Variants in TMEM100 observed in about 807,000 individuals in gnomAD.
The protein encoded by TMEM100 is transmembrane protein 100.
For missense variants in TMEM100, 137 were observed against 168.2 expected (o/e 0.81, Z 1.02); for synonymous variants, 61 against 67.1 (o/e 0.91, Z 0.44).
intron 1 of TMEM100, among the ~76,000 whole-genome samples, chr17:55,728,832 A>C (rs562346348): frequency 2.4e-4 from 36 of 152,116 alleles, no homozygotes; most frequent in Non-Finnish European, 4.6e-4. Context: ...TGGAGGTTGG[A>C]ATCTTCATGG....
upstream of TMEM100, among the ~76,000 whole-genome samples, chr17:55,723,675 C>A (rs540882737): frequency 6.6e-6 from 1 of 152,008 alleles, no homozygotes; most frequent in Non-Finnish European, 1.5e-5. Flanking sequence ...TGGTTTGAAC[C>A]CTAATCTTTA....
Position 55,720,437 on chromosome 17 carries a change from T to G in TMEM100, c.*229A>C. On this transcript the variant is annotated 3_prime_UTR_variant, in exon 2 of 2. Transcript: ENST00000424486. ...TGACCCCCAAAGTGTTTCATGTAAA[T>G]AGAAAGCTGATTTTTCAGTCTCAGA... 1 of 567,480 alleles carries G rather than the reference T, an allele frequency of 1.8e-6. No individual in the cohort carries two copies. The allele number at this position is 567,480 out of a possible 1,614,324, so 35.2% of individuals were successfully genotyped here. A position where few individuals can be genotyped will look rare whatever the true frequency, so the allele number is the denominator to read the frequency against.
Position 55,722,620 on chromosome 17 carries a change from T to G in TMEM100, c.-67A>C, listed in dbSNP as rs1908932626. ...TGTCCCCAAATTACTTACACTCACC[T>G]CGGAGAGAGGCAATCCATTACCAGA... On this transcript the variant is annotated splice_region_variant and 5_prime_UTR_variant, in exon 1 of 2. Coordinates refer to ENST00000424486, the MANE Select transcript of TMEM100 (RefSeq NM_018286.3). 1 of 152,300 alleles carries G rather than the reference T, an allele frequency of 6.6e-6. No homozygotes were observed. Among genetic ancestry groups the G allele is most frequent in the South Asian group, 2.1e-4 (1 of 4,830 alleles). The allele number at this position is 152,300 out of a possible 1,614,324, so 9.4% of individuals were successfully genotyped here.
intron 1 of TMEM100, among the ~76,000 whole-genome samples, chr17:55,729,480 C>T (rs765063274): frequency 7.9e-5 from 12 of 152,014 alleles, no homozygotes; most frequent in East Asian, 1.9e-4. Context: ...TTCACTTCTC[C>T]GGTGGAGAGG....
intron 1 of TMEM100, among the ~76,000 whole-genome samples, chr17:55,722,371 G>A (rs1025567339): frequency 4.6e-5 from 7 of 152,278 alleles, no homozygotes; most frequent in African/African-American, 1.7e-4. Context: ...AACCTCACTG[G>A]TTCTTCCCTG....
chr17:55,725,828 A>G (rs1909056242), upstream of TMEM100, among the ~76,000 whole-genome samples: 1 of 151,626 alleles, frequency 6.6e-6, no homozygotes, highest in South Asian at 2.1e-4. Context: ...TTATATCTTT[A>G]TTCAGGCACT....
Position 55,720,748 on chromosome 17 carries a change from T to A in TMEM100, c.323A>T (p.Lys108Ile). 6.2e-7 allele frequency: 1 copy of A among 1,614,218 alleles called. No homozygotes were observed. The highest frequency in any genetic ancestry group is 8.5e-7 in the Non-Finnish European group (1 of 1,180,042). ...GGCTTTCTTGCTCCTTTGTCTCACT[T>A]TCCAGCACAAGGCACTGGAGGCTAG... The part of the protein sequence containing the change: ...FLLASSALCW[K>I]VRQRSKKAKR... The change falls in exon 2 of 2, where the codon AAA becomes ATA. Residue 108 changes from lysine (K) to isoleucine (I), a missense_variant. Physicochemically the swap from Lys to Ile is moderately radical, Grantham distance 102. Coordinates refer to ENST00000424486, the MANE Select transcript of TMEM100 (RefSeq NM_018286.3).
At position 55,720,532 on chromosome 17, in the gene TMEM100, CACCCT is replaced by C; in HGVS notation, c.*129_*133del. 1 of 941,830 alleles carries C rather than the reference CACCCT, an allele frequency of 1.1e-6. No individual in the cohort carries two copies. The highest frequency in any genetic ancestry group is 1.5e-6 in the Non-Finnish European group (1 of 647,924). The allele number at this position is 941,830 out of a possible 1,614,324, so 58.3% of individuals were successfully genotyped here. A position where few individuals can be genotyped will look rare whatever the true frequency, so the allele number is the denominator to read the frequency against. Reference sequence around the variant, plus strand: ...ATTCCTCACAAAGGAGAAGCCCCTCCACCCTCCCACCCCCATTCTTCCAGTCTGCT... The same window carrying C: ...ATTCCTCACAAAGGAGAAGCCCCTCCCCCACCCCCATTCTTCCAGTCTGCT... On this transcript the variant is annotated 3_prime_UTR_variant, in exon 2 of 2. Coordinates refer to ENST00000424486, the MANE Select transcript of TMEM100 (RefSeq NM_018286.3).
intron 1 of TMEM100, among the ~76,000 whole-genome samples, chr17:55,722,211 T>C (rs9904052): frequency 0.039 from 5,976 of 152,288 alleles, 381 homozygotes; most frequent in African/African-American, 0.13. Flanking sequence ...AGTCACTGTC[T>C]TCCATTCTCA....
At chr17:55,730,655 A>T (rs1456541507) in intron 1 of TMEM100, among the ~76,000 whole-genome samples, 2 of 152,200 alleles carry the variant, frequency 1.3e-5, no homozygotes, top group African/African-American at 4.8e-5. Context: ...TTGAGGATAG[A>T]ACTAGCTCAA....
chr17:55,722,138 A>C (rs1023035740), intron 1 of TMEM100, among the ~76,000 whole-genome samples: 3 of 152,218 alleles, frequency 2.0e-5, no homozygotes, highest in African/African-American at 7.2e-5. Flanking sequence ...GATCAAAAGT[A>C]TCTGGTTGAA....
At chr17:55,728,688 A>G (rs1414685485) in intron 1 of TMEM100, among the ~76,000 whole-genome samples, 4 of 152,230 alleles carry the variant, frequency 2.6e-5, no homozygotes, top group Non-Finnish European at 5.9e-5. Flanking sequence ...TTTACCATCC[A>G]GAACAGGAAA....
At chr17:55,725,701 ATGTGTGTGTGTGTGTGTG>A (rs57564459), upstream of TMEM100, among the ~76,000 whole-genome samples, 6,018 of 139,656 alleles carry the variant, frequency 0.043, 406 homozygotes, top group African/African-American at 0.14. Flanking sequence ...ACCCATATAT[ATGTGTGTGTGTGTGTGTG>A]TGTGTGTGTG....
chr17:55,729,484 G>T (rs1345893265), intron 1 of TMEM100, among the ~76,000 whole-genome samples: 1 of 152,198 alleles, frequency 6.6e-6, no homozygotes, highest in Non-Finnish European at 1.5e-5. Context: ...CTTCTCCGGT[G>T]GAGAGGCAAA....
rs1567921656 is a variant in TMEM100, at chr17:55,721,118, G to A, written c.-48C>T. 1 of 1,545,958 alleles carries A rather than the reference G, an allele frequency of 6.5e-7. No individual in the cohort carries two copies. Among genetic ancestry groups the A allele is most frequent in the Non-Finnish European group, 8.7e-7 (1 of 1,147,352 alleles). ...TGGGTTTACAGACTAGATCTGGACA[G>A]TCTCACCAGGGTGAAAGCTGTGAAG... On this transcript the variant is annotated 5_prime_UTR_variant, in exon 2 of 2. Coordinates refer to ENST00000424486, the MANE Select transcript of TMEM100 (RefSeq NM_018286.3).
intron 1 of TMEM100, among the ~76,000 whole-genome samples, chr17:55,722,403 C>T (rs1209675933): frequency 1.3e-5 from 2 of 152,214 alleles, no homozygotes; most frequent in Non-Finnish European, 2.9e-5. Context: ...CAAAATATCA[C>T]TCCCTGAGCA....
intron 1 of TMEM100, among the ~76,000 whole-genome samples, chr17:55,729,143 A>T (rs1909141521): frequency 6.6e-6 from 1 of 152,230 alleles, no homozygotes; most frequent in African/African-American, 2.4e-5. Flanking sequence ...GCCTGACTTT[A>T]TAGAGTGTTG....
intron 1 of TMEM100, chr17:55,721,546 C>T (rs114730620): frequency 3.4e-3 from 521 of 155,048 alleles, no homozygotes; most frequent in African/African-American, 5.5e-3. Context: ...ACTCAGACTC[C>T]GCCAATCTTG....
At chr17:55,729,379 T>G (rs970797078) in intron 1 of TMEM100, among the ~76,000 whole-genome samples, 2 of 152,124 alleles carry the variant, frequency 1.3e-5, no homozygotes, top group African/African-American at 4.8e-5. Flanking sequence ...ACTAAGTAAT[T>G]AATAGCTTGA....
Sources: allele counts gnomAD v4.1 joint callset (sites outside exome capture counted in the v4.1 genomes callset), GRCh38; gene constraint gnomAD v4.1.1; transcripts MANE v1.5; gene names NCBI Gene and HGNC (gene_info 2026-07-23, HGNC 2026-07-21).